Variants in SLC16A10 observed in about 807,000 individuals in gnomAD.
The protein encoded by SLC16A10 is solute carrier family 16 member 10.
A neutral mutation model predicts 40.0 loss-of-function variants in SLC16A10; 27 were observed. That is an observed-to-expected ratio of 0.67 (90% CI 0.50 to 0.93). The LOEUF is 0.93. Among genes scored for constraint, SLC16A10 ranks in the 40% least tolerant of loss-of-function variants. The probability of loss-of-function intolerance (pLI) is 0.00; values close to 1 mark genes in which losing one functional copy is unlikely to be tolerated. For missense variants in SLC16A10, 529 were observed against 658.2 expected (o/e 0.80, Z 2.15); for synonymous variants, 213 against 249.8 (o/e 0.85, Z 1.39).
intron 1 of SLC16A10, among the ~76,000 whole-genome samples, chr6:111,116,510 A>G (rs541080818): frequency 4.3e-4 from 65 of 152,180 alleles, no homozygotes; most frequent in Non-Finnish European, 6.6e-4. Flanking sequence ...GAGACACTGC[A>G]CCTGGGCAAA....
intron 2 of SLC16A10, among the ~76,000 whole-genome samples, chr6:111,175,178 T>C (rs1435107314): frequency 6.6e-6 from 1 of 152,200 alleles, no homozygotes; most frequent in Non-Finnish European, 1.5e-5. Context: ...ATGTCCCTTC[T>C]CTGAATCCTT....
intron 3 of SLC16A10, among the ~76,000 whole-genome samples, chr6:111,188,767 C>A (rs535896625): frequency 1.3e-5 from 2 of 152,140 alleles, no homozygotes; most frequent in South Asian, 4.1e-4. Flanking sequence ...TCATTCCCTT[C>A]GCAATTAACT....
intron 1 of SLC16A10, among the ~76,000 whole-genome samples, chr6:111,150,231 A>T (rs927166333): frequency 6.6e-6 from 1 of 152,230 alleles, no homozygotes; most frequent in African/African-American, 2.4e-5. Context: ...CACCTCATGC[A>T]TGTGATGGCC....
At chr6:111,088,970 CT>C (rs1281240681) in intron 1 of SLC16A10, among the ~76,000 whole-genome samples, 2 of 152,042 alleles carry the variant, frequency 1.3e-5, no homozygotes, top group African/African-American at 4.8e-5. Context: ...AAAACTGTAG[CT>C]CAGTGAAAGT....
At chr6:111,185,514 T>G (rs1366813995) in intron 3 of SLC16A10, among the ~76,000 whole-genome samples, 4 of 152,182 alleles carry the variant, frequency 2.6e-5, no homozygotes, top group Non-Finnish European at 5.9e-5. Context: ...AAAATATCTA[T>G]ACCCTTATTT....
At chr6:111,096,129 A>T (rs1771069792) in intron 1 of SLC16A10, among the ~76,000 whole-genome samples, 1 of 152,202 alleles carries the variant, frequency 6.6e-6, no homozygotes, top group African/African-American at 2.4e-5. Context: ...AGTTGTCCTG[A>T]AAGTAGAATC....
chr6:111,189,144 T>A (rs1021371665), intron 3 of SLC16A10, among the ~76,000 whole-genome samples: 3 of 152,156 alleles, frequency 2.0e-5, no homozygotes, highest in African/African-American at 4.8e-5. Context: ...AATAAACAAG[T>A]AAATTCATAA....
chr6:111,092,749 G>A (rs1403395645), intron 1 of SLC16A10, among the ~76,000 whole-genome samples: 3 of 151,880 alleles, frequency 2.0e-5, no homozygotes, highest in Non-Finnish European at 4.4e-5. Flanking sequence ...TTTAGAAAGT[G>A]CAATTTTGGG....
intron 4 of SLC16A10, among the ~76,000 whole-genome samples, chr6:111,210,356 G>A (rs913602750): frequency 4.6e-5 from 7 of 152,194 alleles, no homozygotes; most frequent in Non-Finnish European, 1.5e-5. Flanking sequence ...AGTTGGTAAT[G>A]TGCTGCTTTT....
chr6:111,136,025 A>G (rs1444892023), intron 1 of SLC16A10, among the ~76,000 whole-genome samples: 1 of 152,252 alleles, frequency 6.6e-6, no homozygotes, highest in East Asian at 1.9e-4. Context: ...GTTCCTTGGC[A>G]TAATAGGCAT....
intron 1 of SLC16A10, among the ~76,000 whole-genome samples, chr6:111,111,747 G>A (rs953823247): frequency 6.6e-6 from 1 of 152,266 alleles, no homozygotes; most frequent in East Asian, 1.9e-4. Flanking sequence ...ATGTCAGTGA[G>A]GTCGTGTAAG....
chr6:111,171,119 A>G (rs777522059), intron 1 of SLC16A10, among the ~76,000 whole-genome samples: 1 of 152,014 alleles, frequency 6.6e-6, no homozygotes. Context: ...CCTGGGTGAC[A>G]CAGCGAGACC....
rs1048914833 is a variant in SLC16A10, at chr6:111,228,709, G to C, written c.*6474G>C. 6.6e-6 allele frequency: 1 copy of C among 152,138 alleles called. No individual in the cohort carries two copies. Among genetic ancestry groups the C allele is most frequent in the African/African-American group, 2.4e-5 (1 of 41,422 alleles). 9.4% of individuals were successfully genotyped at this position (152,138 alleles called of 1,614,324 possible). A position where few individuals can be genotyped will look rare whatever the true frequency, so the allele number is the denominator to read the frequency against. On this transcript the variant is annotated 3_prime_UTR_variant, in exon 6 of 6. Coordinates refer to ENST00000368851, the MANE Select transcript of SLC16A10 (RefSeq NM_018593.5). Reference sequence around the variant, plus strand: ...TTCATAATTCAGTCTATATTGAAATGTTATTTCAGGAATGGAGGGTTTGTT... The same window carrying C: ...TTCATAATTCAGTCTATATTGAAATCTTATTTCAGGAATGGAGGGTTTGTT...
At chr6:111,152,878 G>A (rs1489272590) in intron 1 of SLC16A10, among the ~76,000 whole-genome samples, 1 of 152,200 alleles carries the variant, frequency 6.6e-6, no homozygotes, top group African/African-American at 2.4e-5. Flanking sequence ...ACAATTTGAA[G>A]AATAGAAGAG....
At position 111,087,895 on chromosome 6, in the gene SLC16A10, T is replaced by C. The variant is rs1001098658; in HGVS notation, c.143T>C (p.Val48Ala). 49 of 1,563,866 alleles carry C rather than the reference T, an allele frequency of 3.1e-5. No individual in the cohort carries two copies. The highest frequency in any genetic ancestry group is 2.0e-4 in the Middle Eastern group (1 of 5,026). The part of the protein sequence containing the change: ...SPEAAVEKVE[V>A]ELAGPATAEP... The stretch of plus-strand genomic sequence containing the variant: ...GAGGCGGCTGTCGAGAAGGTGGAGG[T>C]GGAGCTGGCGGGGCCGGCGACCGCG... Residue 48 changes from valine (V) to alanine (A), a missense_variant, in exon 1 of 6, where the codon GTG becomes GCG. Coordinates refer to ENST00000368851, the MANE Select transcript of SLC16A10 (RefSeq NM_018593.5).
chr6:111,179,289 C>T (rs1479430694), intron 3 of SLC16A10, among the ~76,000 whole-genome samples: 1 of 152,198 alleles, frequency 6.6e-6, no homozygotes, highest in African/African-American at 2.4e-5. Context: ...ACATATATTA[C>T]TTCATTTGAC....
chr6:111,193,218 A>G, intron 3 of SLC16A10: 1 of 900,678 alleles, frequency 1.1e-6, no homozygotes, highest in African/African-American at 1.8e-5. Context: ...ACTTTTTCTC[A>G]GATTTTTTTC....
chr6:111,160,890 C>T (rs1304880765), intron 1 of SLC16A10, among the ~76,000 whole-genome samples: 3 of 151,822 alleles, frequency 2.0e-5, no homozygotes, highest in African/African-American at 7.3e-5. Flanking sequence ...AGACAATATT[C>T]AAAGGTGGGC....
At chr6:111,191,778 CT>C (rs556940526) in intron 3 of SLC16A10, among the ~76,000 whole-genome samples, 4 of 151,612 alleles carry the variant, frequency 2.6e-5, no homozygotes, top group Non-Finnish European at 4.4e-5. Flanking sequence ...CAGTGATGAT[CT>C]TTTTTTTTAT....
Sources: gnomAD v4.1 joint callset for allele counts (sites outside exome capture counted in the v4.1 genomes callset) on GRCh38, gnomAD v4.1.1 for gene constraint, MANE v1.5 for transcripts, NCBI Gene and HGNC (gene_info 2026-07-23, HGNC 2026-07-21) for gene names.